Variants in GPHN observed in about 807,000 individuals in gnomAD.
GPHN encodes the protein gephyrin.
In GPHN, 17 loss-of-function variants were observed where a neutral mutation model predicts 95.5. That is an observed-to-expected ratio of 0.18 (90% CI 0.12 to 0.27). The LOEUF is 0.27. Ranked by LOEUF, GPHN falls within the 10% of genes least tolerant of loss-of-function variation. The pLI is 1.00. For synonymous variants in GPHN, 320 were observed against 322.5 expected (o/e 0.99, Z 0.08); for missense variants, 660 against 978.1 (o/e 0.67, Z 4.34).
chr14:66,882,061 C>G (rs1389930005), intron 5 of GPHN, among the ~76,000 whole-genome samples: 1 of 151,750 alleles, frequency 6.6e-6, no homozygotes, highest in Non-Finnish European at 1.5e-5. Flanking sequence ...TAGATTGGTT[C>G]TTCCTTTCTA....
In GPHN at chr14:66,640,652, A is replaced by G. The variant is rs562833274; in HGVS notation, c.65-40455A>G. On this transcript the variant is annotated intron_variant, in intron 1 of 22. Transcript: ENST00000478722. ...TATTCAGAGACTAAGTTTGACCTTG[A>G]ACATCACCTTGGATTTAATACAGGC... 2.8e-4 allele frequency among the ~76,000 whole-genome samples: 43 copies of G among 152,292 alleles called. No homozygotes were observed. In the South Asian group the frequency reaches 8.7e-3, roughly 31 times the overall value.
chr14:67,468,695 A>C, the GPHN span, among the ~76,000 whole-genome samples: 1 of 152,088 alleles, frequency 6.6e-6, no homozygotes, highest in African/African-American at 2.4e-5. Context: ...GGGGTTCAAG[A>C]CCAGCCTGGC....
chr14:66,652,525 G>GGT (rs138518230), intron 1 of GPHN, among the ~76,000 whole-genome samples: 2 of 149,684 alleles, frequency 1.3e-5, no homozygotes, highest in Non-Finnish European at 3.0e-5. Context: ...TTTTTTGTGG[G>GGT]TTTTTTTTTC....
chr14:67,631,099 C>T, the GPHN span, among the ~76,000 whole-genome samples: 11 of 152,162 alleles, frequency 7.2e-5, no homozygotes, highest in Admixed American at 2.0e-4. Context: ...CCTGTCCTTT[C>T]GGTAATTAAT....
chr14:66,605,589 G>T (rs541076435), intron 1 of GPHN, among the ~76,000 whole-genome samples: 5 of 144,282 alleles, frequency 3.5e-5, no homozygotes, highest in Non-Finnish European at 7.4e-5. Flanking sequence ...GAGTGCAGTG[G>T]CAGGATCTCA....
chr14:66,561,633 A>G (rs1205587420), intron 1 of GPHN, among the ~76,000 whole-genome samples: 4 of 152,174 alleles, frequency 2.6e-5, no homozygotes. Flanking sequence ...TTTATCTTAT[A>G]TCTAGTTTTA....
At chr14:67,604,543 CAAAA>C in the GPHN span, among the ~76,000 whole-genome samples, 4 of 151,672 alleles carry the variant, frequency 2.6e-5, no homozygotes, top group Non-Finnish European at 4.4e-5. Flanking sequence ...AAACAAAAAA[CAAAA>C]AACAAAAAGC....
In GPHN at chr14:67,098,635, C is replaced by A. The variant is rs112962830; in HGVS notation, c.1238-2221C>A. On this transcript the variant is annotated intron_variant, in intron 12 of 22. Coordinates refer to ENST00000478722, the MANE Select transcript of GPHN (RefSeq NM_020806.5). The stretch of plus-strand genomic sequence containing the variant: ...CACCAGCCTGACCAATATGATGAAA[C>A]CCCGTCTCTACTAAAAAAATAAAAT... 1.5e-3 allele frequency among the ~76,000 whole-genome samples: 225 copies of A among 152,068 alleles called. 1 individual carries two copies. Among genetic ancestry groups the A allele is most frequent in the African/African-American group, 5.4e-3 (223 of 41,492 alleles).
chr14:67,722,842 G>T, the GPHN span: 7 of 819,112 alleles, frequency 8.5e-6, no homozygotes, highest in African/African-American at 1.7e-5. Context: ...AAGCAGGAAG[G>T]AAGGGGGTGT....
At chr14:67,360,081 A>G in the GPHN span, 1 of 427,172 alleles carries the variant, frequency 2.3e-6, no homozygotes, top group Non-Finnish European at 4.1e-6. Flanking sequence ...CTTTGGTCAC[A>G]GCGCCATCTC....
At chr14:66,940,199 A>G (rs2153572223) in intron 8 of GPHN, among the ~76,000 whole-genome samples, 1 of 151,416 alleles carries the variant, frequency 6.6e-6, no homozygotes, top group East Asian at 1.9e-4. Flanking sequence ...ACAGTTACCT[A>G]TCTGTGAAGA....
chr14:67,725,352 C>G, the GPHN span: 2 of 1,254,832 alleles, frequency 1.6e-6, no homozygotes, highest in Non-Finnish European at 2.3e-6. Context: ...GAACCATCAT[C>G]CACCCCACTA....
intron 2 of GPHN, among the ~76,000 whole-genome samples, chr14:66,694,420 A>G (rs1323632380): frequency 2.6e-5 from 4 of 152,220 alleles, no homozygotes; most frequent in African/African-American, 7.2e-5. Flanking sequence ...ACTTAAGACA[A>G]TGTTCAACTG....
chr14:67,143,541 A>C, intron 18 of GPHN, 92 bp downstream of exon 18: 1 of 838,382 alleles, frequency 1.2e-6, no homozygotes, highest in Admixed American at 1.7e-5. Flanking sequence ...TGATATTCAT[A>C]ACGAGGCTCC....
the GPHN span, chr14:67,650,746 C>G: frequency 6.2e-7 from 1 of 1,614,076 alleles, no homozygotes; most frequent in South Asian, 1.1e-5. Flanking sequence ...TTGTTGAAGT[C>G]AATCCTCAGT....
intron 1 of GPHN, among the ~76,000 whole-genome samples, chr14:66,606,350 T>A (rs1206903090): frequency 6.6e-6 from 1 of 152,198 alleles, no homozygotes; most frequent in Non-Finnish European, 1.5e-5. Flanking sequence ...CATTGGTCTA[T>A]GTGTCTGTTT....
At chr14:67,614,030 G>T in the GPHN span, among the ~76,000 whole-genome samples, 1 of 152,164 alleles carries the variant, frequency 6.6e-6, no homozygotes, top group African/African-American at 2.4e-5. Context: ...GACCTCTTGG[G>T]CTCAAGGGAT....
chr14:67,465,216 A>T, the GPHN span, among the ~76,000 whole-genome samples: 1 of 152,240 alleles, frequency 6.6e-6, no homozygotes, highest in African/African-American at 2.4e-5. Flanking sequence ...CTCCACGGAG[A>T]TAGAAACCAA....
In GPHN at chr14:66,966,586, C is replaced by G. The variant is rs180785684; in HGVS notation, c.963+1261C>G. ...TTAGATGGAAGAATCTCATCTATAT[C>G]TTTTATATTATTAAAACAAAGTAAC... On this transcript the variant is annotated intron_variant, in intron 9 of 22. Coordinates refer to ENST00000478722, the MANE Select transcript of GPHN (RefSeq NM_020806.5). Among the ~76,000 whole-genome samples, 1,480 of 152,000 alleles carry G rather than the reference C, an allele frequency of 9.7e-3. 79 individuals are homozygous for G. The highest frequency in any genetic ancestry group is 0.09 in the Admixed American group (1,372 of 15,268).
Sources: gnomAD v4.1 joint callset for allele counts (sites outside exome capture counted in the v4.1 genomes callset) on GRCh38, gnomAD v4.1.1 for gene constraint, MANE v1.5 for transcripts, NCBI Gene and HGNC (gene_info 2026-07-23, HGNC 2026-07-21) for gene names.